The following SLC4A10 variants were observed in gnomAD, a reference collection of about 807,000 sequenced individuals.
The protein encoded by SLC4A10 is solute carrier family 4 member 10.
A neutral mutation model predicts 137.7 loss-of-function variants in SLC4A10; 42 were observed. The observed-to-expected ratio is 0.30, with a 90% confidence interval of 0.24 to 0.39. The LOEUF is 0.39. SLC4A10 is among the 10% of genes least tolerant of loss of function. The probability of loss-of-function intolerance (pLI) is 1.00; values close to 1 mark genes in which losing one functional copy is unlikely to be tolerated. For missense variants in SLC4A10, 925 were observed against 1,355.0 expected (o/e 0.68, Z 4.98); for synonymous variants, 474 against 464.1 (o/e 1.02, Z -0.27).
chr2:161,817,701 T>C (rs1461711261), intron 3 of SLC4A10, among the ~76,000 whole-genome samples: 5 of 152,314 alleles, frequency 3.3e-5, no homozygotes, highest in African/African-American at 7.2e-5. Context: ...TACCTATGGC[T>C]AGCCAGTTTT....
intron 1 of SLC4A10, among the ~76,000 whole-genome samples, chr2:161,713,530 C>T (rs932055453): frequency 1.3e-5 from 2 of 151,788 alleles, no homozygotes; most frequent in African/African-American, 4.8e-5. Flanking sequence ...AGACCTCCTG[C>T]TTGTCCGTGA....
chr2:161,926,386 GTTTTTTTTT>G (rs1174458600), intron 15 of SLC4A10, among the ~76,000 whole-genome samples: 4 of 22,926 alleles, frequency 1.7e-4, no homozygotes, highest in African/African-American at 4.7e-4. Flanking sequence ...CCTTTTTTTG[GTTTTTTTTT>G]TTTTTTTTTT....
At chr2:161,715,829 T>C (rs1336845161) in intron 1 of SLC4A10, among the ~76,000 whole-genome samples, 1 of 152,130 alleles carries the variant, frequency 6.6e-6, no homozygotes. Context: ...TATAATAGAA[T>C]GATTTATATT....
chr2:161,839,466 G>T lies in SLC4A10; in HGVS notation c.278-323G>T, dbSNP rs541292711. The stretch of plus-strand genomic sequence containing the variant: ...ATGATGAGAGAAAATGAGTATATGT[G>T]TCTGAGAAATAGAAATAGTCTCCAT... On this transcript the variant is annotated intron_variant, in intron 3 of 26. Coordinates refer to ENST00000446997, the MANE Select transcript of SLC4A10 (RefSeq NM_001178015.2). 9.2e-5 allele frequency among the ~76,000 whole-genome samples: 14 copies of T among 152,120 alleles called. No individual in the cohort carries two copies. The South Asian group carries it at 2.9e-3, about 32-fold the overall frequency.
intron 1 of SLC4A10, among the ~76,000 whole-genome samples, chr2:161,723,315 C>T (rs751279156): frequency 6.6e-6 from 1 of 152,140 alleles, no homozygotes; most frequent in South Asian, 2.1e-4. Flanking sequence ...CTGTGTGGCT[C>T]ATGGGTTGGC....
chr2:161,901,083 A>G, intron 12 of SLC4A10, 72 bp downstream of exon 12: 3 of 1,145,234 alleles, frequency 2.6e-6, no homozygotes, highest in Non-Finnish European at 3.9e-6. Flanking sequence ...AGAAATTGCT[A>G]TTTTGGGATC....
chr2:161,850,226 C>T (rs1254308492), intron 4 of SLC4A10, among the ~76,000 whole-genome samples: 1 of 152,008 alleles, frequency 6.6e-6, no homozygotes, highest in East Asian at 1.9e-4. Flanking sequence ...CCTGTCTCTA[C>T]TAAAAATACA....
intron 2 of SLC4A10, among the ~76,000 whole-genome samples, chr2:161,798,391 C>A (rs1213351012): frequency 6.6e-6 from 1 of 151,790 alleles, no homozygotes; most frequent in Non-Finnish European, 1.5e-5. Context: ...CCCTTCCCTC[C>A]CAGCTAAATA....
At chr2:161,905,504 T>C in intron 14 of SLC4A10, 138 bp from the exon 15 acceptor site, 1 of 1,241,294 alleles carries the variant, frequency 8.1e-7, no homozygotes, top group South Asian at 1.6e-5. Flanking sequence ...CTTTAGACAG[T>C]CTTGAGTTTA....
chr2:161,923,318 GT>G (rs1335062950), intron 15 of SLC4A10, among the ~76,000 whole-genome samples: 1 of 152,128 alleles, frequency 6.6e-6, no homozygotes, highest in African/African-American at 2.4e-5. Flanking sequence ...TTTTATACTG[GT>G]GTTTTTAAAC....
chr2:161,668,389 C>G (rs550230176), intron 1 of SLC4A10, among the ~76,000 whole-genome samples: 2 of 151,850 alleles, frequency 1.3e-5, no homozygotes. Context: ...TAGGTTTACT[C>G]TGTTGGTGAC....
At chr2:161,904,325 A>C (rs1399562741) in intron 13 of SLC4A10, 147 bp downstream of exon 13, 1 of 843,250 alleles carries the variant, frequency 1.2e-6, no homozygotes, top group Non-Finnish European at 1.8e-6. Flanking sequence ...AATTTCCTGG[A>C]TGGCTAGTGG....
chr2:161,759,695 G>GT (rs2050039582), intron 1 of SLC4A10, among the ~76,000 whole-genome samples: 1 of 151,600 alleles, frequency 6.6e-6, no homozygotes, highest in Non-Finnish European at 1.5e-5. Context: ...TTAAAATTAA[G>GT]TTCTTTAAAA....
chr2:161,886,856 T>C (rs2062357396), intron 10 of SLC4A10, among the ~76,000 whole-genome samples: 1 of 152,110 alleles, frequency 6.6e-6, no homozygotes, highest in Non-Finnish European at 1.5e-5. Flanking sequence ...GCTTGTTACA[T>C]AGGTATACAC....
intron 23 of SLC4A10, among the ~76,000 whole-genome samples, chr2:161,965,915 G>A (rs1003910588): frequency 9.2e-5 from 14 of 152,084 alleles, no homozygotes; most frequent in Non-Finnish European, 1.8e-4. Context: ...GTAACATTTA[G>A]CAGGATGATT....
chr2:161,627,470 T>C (rs763597207), intron 1 of SLC4A10, among the ~76,000 whole-genome samples: 3 of 151,980 alleles, frequency 2.0e-5, no homozygotes, highest in Non-Finnish European at 2.9e-5. Flanking sequence ...AAAATAAGAA[T>C]AGATAAGTAT....
intron 1 of SLC4A10, among the ~76,000 whole-genome samples, chr2:161,740,184 C>G (rs1574680825): frequency 6.6e-6 from 1 of 152,160 alleles, no homozygotes; most frequent in Non-Finnish European, 1.5e-5. Flanking sequence ...AATATGTTGT[C>G]TGTTCACCTT....
intron 3 of SLC4A10, among the ~76,000 whole-genome samples, chr2:161,829,088 G>T (rs1292660701): frequency 4.0e-5 from 6 of 151,724 alleles, no homozygotes; most frequent in African/African-American, 1.5e-4. Flanking sequence ...GGTGTGGCCT[G>T]ACTTAATCCC....
chr2:161,960,868 CTT>C (rs1696578024), intron 21 of SLC4A10, among the ~76,000 whole-genome samples: 2 of 152,136 alleles, frequency 1.3e-5, no homozygotes, highest in African/African-American at 4.8e-5. Flanking sequence ...CAATATCTTG[CTT>C]TAGGCTTCTG....
Sources: allele counts gnomAD v4.1 joint callset (sites outside exome capture counted in the v4.1 genomes callset), GRCh38; gene constraint gnomAD v4.1.1; transcripts MANE v1.5; gene names NCBI Gene and HGNC (gene_info 2026-07-23, HGNC 2026-07-21).